Variants in DCAF5 observed in about 807,000 individuals in gnomAD.
The protein encoded by DCAF5 is DDB1- and CUL4-associated factor 5.
Under a neutral mutation model 80.7 loss-of-function variants are expected in DCAF5, and 9 were observed. The observed-to-expected ratio is 0.11, with a 90% CI of 0.07 to 0.19. The LOEUF is 0.19. Ranked by LOEUF, DCAF5 falls within the 10% of genes least tolerant of loss-of-function variation. DCAF5 has a pLI of 1.00. For missense variants in DCAF5, 842 were observed against 1,205.7 expected, an observed-to-expected ratio of 0.70 and a Z score of 4.47; for synonymous variants, 433 against 461.9, an observed-to-expected ratio of 0.94 and a Z score of 0.80.
intron 6 of DCAF5, chr14:69,091,251 G>A: frequency 1.5e-6 from 1 of 689,390 alleles, no homozygotes; most frequent in Non-Finnish European, 2.6e-6. Flanking sequence ...ATCCCAAGAG[G>A]CCATTCAAGA....
At chr14:69,138,171 T>C (rs754469450) in intron 1 of DCAF5, among the ~76,000 whole-genome samples, 2 of 151,978 alleles carry the variant, frequency 1.3e-5, no homozygotes, top group Non-Finnish European at 2.9e-5. Flanking sequence ...AGGTTCCAAT[T>C]AGTCACTTAG....
intron 5 of DCAF5, among the ~76,000 whole-genome samples, chr14:69,098,286 C>T (rs1373083302): frequency 1.3e-5 from 2 of 152,178 alleles, no homozygotes; most frequent in Admixed American, 6.5e-5. Context: ...ATAGTTCATT[C>T]ATTCAGTCTT....
chr14:69,138,965 G>T, intron 1 of DCAF5, among the ~76,000 whole-genome samples: 1 of 152,200 alleles, frequency 6.6e-6, no homozygotes, highest in East Asian at 1.9e-4. Context: ...GGGCAACATG[G>T]TAAGACCCCG....
At chr14:69,088,201 C>T (rs746790944) in intron 6 of DCAF5, among the ~76,000 whole-genome samples, 1 of 152,182 alleles carries the variant, frequency 6.6e-6, no homozygotes, top group Non-Finnish European at 1.5e-5. Context: ...CTGTCCGCAA[C>T]AAGTTGTGAT....
At chr14:69,129,382 T>C (rs149998923) in intron 1 of DCAF5, among the ~76,000 whole-genome samples, 93 of 152,334 alleles carry the variant, frequency 6.1e-4, no homozygotes, top group African/African-American at 2.2e-3. Context: ...AAGTATGCGT[T>C]GGCAGAAAAA....
chr14:69,076,157 G>A (rs952705627), intron 6 of DCAF5, among the ~76,000 whole-genome samples: 3 of 151,896 alleles, frequency 2.0e-5, no homozygotes, highest in Non-Finnish European at 4.4e-5. Flanking sequence ...AGGATGTGGA[G>A]AAAGTGAGAA....
chr14:69,088,733 G>C (rs1351158243), intron 6 of DCAF5, among the ~76,000 whole-genome samples: 2 of 152,220 alleles, frequency 1.3e-5, no homozygotes, highest in African/African-American at 2.4e-5. Flanking sequence ...CCAGAACACA[G>C]AGCCTCAGGC....
chr14:69,084,876 A>G (rs2039257719), intron 6 of DCAF5: 1 of 1,266,174 alleles, frequency 7.9e-7, no homozygotes, highest in Non-Finnish European at 1.2e-6. Context: ...ATTGTTCAGT[A>G]TGACCCTCCG....
chr14:69,127,557 T>C (rs960001383), intron 1 of DCAF5, among the ~76,000 whole-genome samples: 1 of 152,220 alleles, frequency 6.6e-6, no homozygotes, highest in Non-Finnish European at 1.5e-5. Context: ...ACTGTAATGA[T>C]GGATACATGT....
intron 2 of DCAF5, among the ~76,000 whole-genome samples, chr14:69,121,840 C>A (rs1358316050): frequency 1.3e-5 from 2 of 151,982 alleles, no homozygotes; most frequent in Admixed American, 1.3e-4. Context: ...TTATGGCCAG[C>A]ATAATCTTTA....
Position 69,122,356 on chromosome 14 carries a change from T to C in DCAF5, c.219A>G (p.Gly73=). ...NNGGQWLVSG[G]DDRRVLLWHM... is the part of the protein sequence containing the mutation. ...GCCATAGCAGAACCCGGCGGTCATC[T>C]CCTCCTTAAGAAGGAAATAAGAATC... Residue 73 remains glycine, a synonymous_variant, in exon 2 of 9, where the codon GGA becomes GGG. Coordinates refer to ENST00000341516, the MANE Select transcript of DCAF5 (RefSeq NM_003861.3). The C allele has an allele frequency of 1.2e-6, 2 of 1,610,362 alleles. No individual in the cohort carries two copies. Among genetic ancestry groups the C allele is most frequent in the Non-Finnish European group, 8.5e-7 (1 of 1,177,116 alleles).
chr14:69,070,874 T>C (rs1194414109), intron 7 of DCAF5, among the ~76,000 whole-genome samples: 1 of 151,968 alleles, frequency 6.6e-6, no homozygotes, highest in Admixed American at 6.6e-5. Context: ...CTCGGCTCAG[T>C]GCAACCTCTC....
At chr14:69,102,398 C>T (rs993441037) in intron 5 of DCAF5, among the ~76,000 whole-genome samples, 1 of 151,952 alleles carries the variant, frequency 6.6e-6, no homozygotes, top group Non-Finnish European at 1.5e-5. Flanking sequence ...TGAGCCACCG[C>T]GCCCGACCAT....
intron 5 of DCAF5, among the ~76,000 whole-genome samples, chr14:69,094,234 C>A (rs1408376604): frequency 6.6e-6 from 1 of 152,078 alleles, no homozygotes; most frequent in Admixed American, 6.6e-5. Flanking sequence ...TGGCAAACAC[C>A]CTTTCCATCT....
intron 1 of DCAF5, among the ~76,000 whole-genome samples, chr14:69,142,046 G>C (rs1206483460): frequency 2.0e-5 from 3 of 152,128 alleles, no homozygotes; most frequent in Non-Finnish European, 4.4e-5. Context: ...TGTAATCCCA[G>C]CACCTTGGAA....
chr14:69,128,244 T>C (rs2140085891), intron 1 of DCAF5, among the ~76,000 whole-genome samples: 1 of 151,600 alleles, frequency 6.6e-6, no homozygotes, highest in Middle Eastern at 3.4e-3. Context: ...CGGAGTGCAG[T>C]GGCATGATCT....
chr14:69,082,381 T>C (rs565039494), intron 6 of DCAF5, among the ~76,000 whole-genome samples: 7 of 152,358 alleles, frequency 4.6e-5, no homozygotes, highest in Admixed American at 2.0e-4. Flanking sequence ...TTTGAGCCAT[T>C]TGCCATTTCA....
At position 69,147,866 on chromosome 14, in the gene DCAF5, T is replaced by C. The variant is rs975300220; in HGVS notation, c.214+4899A>G. On this transcript the variant is annotated intron_variant, in intron 1 of 8. Coordinates refer to ENST00000341516, the MANE Select transcript of DCAF5 (RefSeq NM_003861.3). ...ACTATAACTCAAAACTTCATACTTA[T>C]GGGTTATTCTGCTAGCTCTATAAGT... is the stretch of plus-strand genomic sequence containing the variant. Among the ~76,000 whole-genome samples, 7 of 152,192 alleles carry C rather than the reference T, an allele frequency of 4.6e-5. No homozygotes were observed. The East Asian group carries it at 9.6e-4, about 21-fold the overall frequency.
Position 69,055,119 on chromosome 14 carries a change from G to C in DCAF5, c.1567C>G (p.Arg523Gly), listed in dbSNP as rs773910626. The C allele has an allele frequency of 6.2e-7, 1 of 1,614,254 alleles. No individual in the cohort carries two copies. Among genetic ancestry groups the C allele is most frequent in the Non-Finnish European group, 8.5e-7 (1 of 1,180,040 alleles). ...LSALRRYQDK[R>G]LLALSNESDS... Reference sequence around the variant, plus strand: ...GACTCATTGGAAAGGGCCAGGAGGCGTTTGTCTTGGTAGCGCCGCAGAGCA... The same window carrying C: ...GACTCATTGGAAAGGGCCAGGAGGCCTTTGTCTTGGTAGCGCCGCAGAGCA... Residue 523 changes from arginine (R) to glycine (G), a missense_variant, in exon 9 of 9, where the codon CGC (arginine) becomes GGC (glycine). Physicochemically the swap from Arg to Gly is moderately radical, Grantham distance 125. Coordinates refer to ENST00000341516, the MANE Select transcript of DCAF5 (RefSeq NM_003861.3). The surrounding 1 kb of genome is among the most constrained non-coding windows in gnomAD (Gnocchi z 5.6).
Sources: gnomAD v4.1 joint callset for allele counts (sites outside exome capture counted in the v4.1 genomes callset) on GRCh38, gnomAD v4.1.1 for gene constraint, Gnocchi (gnomAD v3.1) non-coding constraint, MANE v1.5 for transcripts, NCBI Gene and HGNC (gene_info 2026-07-23, HGNC 2026-07-21) for gene names.